The following STPG2 variants were observed in gnomAD, a reference collection of about 807,000 sequenced individuals.
STPG2 encodes the protein sperm tail PG-rich repeat containing 2.
In STPG2, 56 loss-of-function variants were observed where a neutral mutation model predicts 54.2. The ratio of observed to expected loss-of-function variants is 1.03; its 90% CI spans 0.83 to 1.29. The LOEUF (loss-of-function observed/expected upper bound fraction) is 1.29. STPG2 is among the 50% of genes most tolerant of loss of function. The pLI, the probability that STPG2 is intolerant of heterozygous loss-of-function variation, is 0.00. For missense variants in STPG2, 596 were observed against 544.9 expected (o/e 1.09, Z -0.93); for synonymous variants, 200 against 181.8 (o/e 1.10, Z -0.81).
chr4:98,069,851 G>T (rs1197330240), intron 5 of STPG2, among the ~76,000 whole-genome samples: 3 of 152,010 alleles, frequency 2.0e-5, no homozygotes, highest in Non-Finnish European at 4.4e-5. Context: ...CCACTTCCAA[G>T]GGTAGAAGTG....
At chr4:97,473,685 C>A (rs1297428026) in intron 4 of STPG2, among the ~76,000 whole-genome samples, 4 of 152,158 alleles carry the variant, frequency 2.6e-5, no homozygotes, top group Non-Finnish European at 5.9e-5. Context: ...CCTATTCAAA[C>A]ACTCCCTCCC....
intron 10 of STPG2, among the ~76,000 whole-genome samples, chr4:97,636,997 C>T (rs1032999363): frequency 8.5e-5 from 13 of 152,164 alleles, no homozygotes; most frequent in African/African-American, 3.1e-4. Flanking sequence ...TTTTATGAGG[C>T]CAGCATCATC....
chr4:97,779,002 G>T (rs1026377964), intron 9 of STPG2, among the ~76,000 whole-genome samples: 1 of 152,136 alleles, frequency 6.6e-6, no homozygotes. Context: ...TAGAAAAGCC[G>T]AAAATTCTAA....
intron 5 of STPG2, among the ~76,000 whole-genome samples, chr4:98,055,689 G>A (rs1737459858): frequency 6.6e-6 from 1 of 152,172 alleles, no homozygotes; most frequent in Non-Finnish European, 1.5e-5. Context: ...AACACAGCCA[G>A]GGACAGCCAT....
At chr4:97,744,382 A>T (rs1168203360) in intron 9 of STPG2, among the ~76,000 whole-genome samples, 2 of 151,194 alleles carry the variant, frequency 1.3e-5, no homozygotes. Context: ...AGTAGGGAGG[A>T]GTTGAGGAAT....
chr4:97,694,592 A>G (rs1021986196), intron 10 of STPG2, among the ~76,000 whole-genome samples: 4 of 151,764 alleles, frequency 2.6e-5, no homozygotes, highest in African/African-American at 9.7e-5. Flanking sequence ...GTGGATCATG[A>G]GGTCAGGAGA....
chr4:97,893,029 T>C (rs1297611509), intron 8 of STPG2: 1 of 152,182 alleles, frequency 6.6e-6, no homozygotes, highest in East Asian at 1.9e-4. Flanking sequence ...AAATTATTCA[T>C]GTCTGAAAGT....
chr4:97,684,928 C>T (rs1723143074), intron 10 of STPG2, among the ~76,000 whole-genome samples: 1 of 151,896 alleles, frequency 6.6e-6, no homozygotes, highest in African/African-American at 2.4e-5. Flanking sequence ...ACAGACACCT[C>T]ACTAAAGAAG....
intron 5 of STPG2, among the ~76,000 whole-genome samples, chr4:98,021,664 A>G (rs574165056): frequency 6.6e-6 from 1 of 151,880 alleles, no homozygotes; most frequent in African/African-American, 2.4e-5. Context: ...GTCTCTTTGT[A>G]GGTCACTCAG....
At chr4:97,913,537 C>A (rs375647007) in intron 8 of STPG2, among the ~76,000 whole-genome samples, 2 of 152,010 alleles carry the variant, frequency 1.3e-5, no homozygotes, top group Non-Finnish European at 2.9e-5. Context: ...CTCCTCCTTG[C>A]GCATATAATA....
intron 5 of STPG2, among the ~76,000 whole-genome samples, chr4:98,021,826 A>G (rs1416251064): frequency 6.6e-6 from 1 of 151,712 alleles, no homozygotes; most frequent in Non-Finnish European, 1.5e-5. Context: ...TTTATCAGAG[A>G]CTAGGATTGC....
chr4:97,724,703 T>C (rs1457854725), intron 9 of STPG2, among the ~76,000 whole-genome samples: 1 of 152,168 alleles, frequency 6.6e-6, no homozygotes, highest in Non-Finnish European at 1.5e-5. Flanking sequence ...TTTGTGTTAT[T>C]AGGTATTCTA....
chr4:98,035,629 A>G (rs1442025236), intron 5 of STPG2, among the ~76,000 whole-genome samples: 1 of 152,186 alleles, frequency 6.6e-6, no homozygotes, highest in Non-Finnish European at 1.5e-5. Context: ...TCATTCTACT[A>G]TAAAGACACA....
chr4:97,718,882 C>G (rs965109968), intron 9 of STPG2, among the ~76,000 whole-genome samples: 1 of 151,914 alleles, frequency 6.6e-6, no homozygotes, highest in African/African-American at 2.4e-5. Context: ...TCTTCCCTTT[C>G]AAAGCTTCTC....
chr4:97,476,008 T>C (rs1422908635), intron 4 of STPG2, among the ~76,000 whole-genome samples: 2 of 152,200 alleles, frequency 1.3e-5, no homozygotes, highest in Non-Finnish European at 2.9e-5. Context: ...TGTAAGCTCT[T>C]GGAGGAAGAA....
At position 97,737,784 on chromosome 4, in the gene STPG2, T is replaced by G. The variant is rs190306010; in HGVS notation, c.1205-24970A>C. Among the ~76,000 whole-genome samples the G allele has an allele frequency of 7.2e-4, 109 of 152,278 alleles. 1 individual carries two copies. The highest frequency in any genetic ancestry group is 2.6e-3 in the African/African-American group (106 of 41,540). The stretch of plus-strand genomic sequence containing the variant: ...AGAATGGAACCAAGCTGGAAAACAC[T>G]CTTCAGGATATTATCCAGGAGAACT... On this transcript the variant is annotated intron_variant, in intron 9 of 10. Coordinates refer to ENST00000295268, the MANE Select transcript of STPG2 (RefSeq NM_174952.3).
intron 10 of STPG2, among the ~76,000 whole-genome samples, chr4:97,636,207 A>G (rs902449749): frequency 6.9e-6 from 1 of 144,796 alleles, no homozygotes. Flanking sequence ...CCGCTCAACT[A>G]CATGGAAACT....
intron 10 of STPG2, among the ~76,000 whole-genome samples, chr4:97,634,515 G>T (rs1449653832): frequency 6.6e-6 from 1 of 152,094 alleles, no homozygotes; most frequent in African/African-American, 2.4e-5. Context: ...GCTGAGAGAA[G>T]AAGGCTTCAG....
chr4:98,043,438 T>C (rs1432002661), intron 5 of STPG2, among the ~76,000 whole-genome samples: 1 of 152,058 alleles, frequency 6.6e-6, no homozygotes, highest in African/African-American at 2.4e-5. Flanking sequence ...TTTGTGTTTT[T>C]TTGTATTGAC....
Sources: gnomAD v4.1 joint callset for allele counts (sites outside exome capture counted in the v4.1 genomes callset) on GRCh38, gnomAD v4.1.1 for gene constraint, MANE v1.5 for transcripts, NCBI Gene and HGNC (gene_info 2026-07-23, HGNC 2026-07-21) for gene names.